Variants in CALN1 observed in about 807,000 individuals in gnomAD.
CALN1 encodes the protein calcium-binding protein 8.
In CALN1, 17 loss-of-function variants were observed where a neutral mutation model predicts 30.6. The observed-to-expected ratio is 0.56, with a 90% CI of 0.38 to 0.83. The LOEUF is 0.83. CALN1 is among the 40% of genes least tolerant of loss of function. The pLI is 0.00. For missense variants in CALN1, 291 were observed against 354.9 expected, an observed-to-expected ratio of 0.82 and a Z score of 1.45; for synonymous variants, 156 against 131.4, an observed-to-expected ratio of 1.19 and a Z score of -1.28.
In CALN1 at chr7:71,787,707, G is replaced by A; in HGVS notation, c.*68C>T. 17 of 1,590,076 alleles carry A rather than the reference G, an allele frequency of 1.1e-5. No homozygotes were observed. The highest frequency in any genetic ancestry group is 1.5e-5 in the Non-Finnish European group (17 of 1,168,456). Reference sequence around the variant, plus strand: ...ATAGGTCCGTGTCTGCTGTGTGGAGGAAGAGTCTGCCCGCACGGCATGCAC... The same window carrying A: ...ATAGGTCCGTGTCTGCTGTGTGGAGAAAGAGTCTGCCCGCACGGCATGCAC... On this transcript the variant is annotated 3_prime_UTR_variant, in exon 7 of 7. Coordinates refer to ENST00000395275, the MANE Select transcript of CALN1 (RefSeq NM_031468.4).
intron 5 of CALN1, among the ~76,000 whole-genome samples, chr7:71,888,905 A>G (rs1793075357): frequency 6.6e-6 from 1 of 152,216 alleles, no homozygotes; most frequent in East Asian, 1.9e-4. Context: ...AGAATGAACA[A>G]TGTTCACCTT....
chr7:71,814,047 G>A (rs1788120961), intron 5 of CALN1, among the ~76,000 whole-genome samples: 1 of 151,846 alleles, frequency 6.6e-6, no homozygotes, highest in Non-Finnish European at 1.5e-5. Flanking sequence ...CATAGAGTAA[G>A]TACAAGAATA....
intron 3 of CALN1, among the ~76,000 whole-genome samples, chr7:72,258,483 C>T (rs1185990042): frequency 2.0e-5 from 3 of 152,182 alleles, no homozygotes; most frequent in African/African-American, 4.8e-5. Flanking sequence ...CCCAAGGGCA[C>T]TGTCAATCAA....
Position 71,786,617 on chromosome 7 carries a change from TG to T in CALN1, c.*1157del, listed in dbSNP as rs1792990936. The T allele has an allele frequency of 6.6e-6, 1 of 152,250 alleles. No individual in the cohort carries two copies. The highest frequency in any genetic ancestry group is 6.5e-5 in the Admixed American group (1 of 15,286). 9.4% of individuals were successfully genotyped at this position (152,250 alleles called of 1,614,324 possible). A position where few individuals can be genotyped will look rare whatever the true frequency, so the allele number is the denominator to read the frequency against. On this transcript the variant is annotated 3_prime_UTR_variant, in exon 7 of 7. Coordinates refer to ENST00000395275, the MANE Select transcript of CALN1 (RefSeq NM_031468.4). ...AGAATCTGAAGGCCAGAAGATCTTA[TG>T]TGAAAATACAGTCGTTTGATCTCTC...
At chr7:72,056,491 A>G (rs946174410) in intron 4 of CALN1, among the ~76,000 whole-genome samples, 4 of 152,188 alleles carry the variant, frequency 2.6e-5, no homozygotes, top group Non-Finnish European at 5.9e-5. Flanking sequence ...ACTTGAAAGG[A>G]AAAATCGATT....
chr7:72,238,402 A>G (rs949460164), intron 3 of CALN1, among the ~76,000 whole-genome samples: 13 of 152,278 alleles, frequency 8.5e-5, no homozygotes, highest in African/African-American at 3.1e-4. Flanking sequence ...TATTGAATGA[A>G]TTATTTAATG....
chr7:71,797,756 TAATAACAA>T (rs531722519), intron 6 of CALN1, among the ~76,000 whole-genome samples: 22 of 152,304 alleles, frequency 1.4e-4, no homozygotes, highest in South Asian at 1.0e-3. Context: ...CCCCTTGTTC[TAATAACAA>T]AATTCATCTT....
chr7:72,094,273 ATTT>A (rs34777600), intron 4 of CALN1, among the ~76,000 whole-genome samples: 1 of 150,940 alleles, frequency 6.6e-6, no homozygotes, highest in Non-Finnish European at 1.5e-5. Flanking sequence ...ACATACCAGA[ATTT>A]TTTTTTTAAC....
chr7:71,925,417 T>C (rs1427357284), intron 5 of CALN1, among the ~76,000 whole-genome samples: 1 of 152,106 alleles, frequency 6.6e-6, no homozygotes, highest in East Asian at 1.9e-4. Flanking sequence ...TTTAAGAATG[T>C]CCTTCACTAT....
chr7:72,050,512 G>A (rs912343219), intron 4 of CALN1, among the ~76,000 whole-genome samples: 2 of 151,966 alleles, frequency 1.3e-5, no homozygotes, highest in African/African-American at 2.4e-5. Context: ...AAGAAACTAG[G>A]ATTTAATATT....
chr7:72,156,971 G>A (rs1787731272), intron 3 of CALN1, among the ~76,000 whole-genome samples: 1 of 152,228 alleles, frequency 6.6e-6, no homozygotes, highest in Non-Finnish European at 1.5e-5. Flanking sequence ...CATAACCTCT[G>A]CCTACAGAGA....
chr7:72,345,154 A>C (rs1183165679), intron 2 of CALN1, among the ~76,000 whole-genome samples: 1 of 150,366 alleles, frequency 6.7e-6, no homozygotes, highest in Non-Finnish European at 1.5e-5. Context: ...ATACAATGCC[A>C]AAAGAAAAGA....
chr7:72,397,570 G>C (rs1806043980), intron 2 of CALN1, among the ~76,000 whole-genome samples: 3 of 152,150 alleles, frequency 2.0e-5, no homozygotes, highest in Admixed American at 6.5e-5. Flanking sequence ...ATGAGGAAGA[G>C]GGAGTCAGGA....
chr7:71,952,654 G>A (rs1319027171), intron 5 of CALN1, among the ~76,000 whole-genome samples: 1 of 94,170 alleles, frequency 1.1e-5, no homozygotes, highest in Admixed American at 1.1e-4. Context: ...TAGATCGCTA[G>A]CGATCTCAAC....
intron 3 of CALN1, among the ~76,000 whole-genome samples, chr7:72,128,427 A>G (rs897229316): frequency 3.3e-5 from 5 of 152,356 alleles, no homozygotes; most frequent in African/African-American, 1.2e-4. Flanking sequence ...ATACCAAAAT[A>G]CATCCCAAAA....
intron 2 of CALN1, among the ~76,000 whole-genome samples, chr7:72,375,251 T>C (rs947103109): frequency 6.6e-6 from 1 of 152,122 alleles, no homozygotes; most frequent in African/African-American, 2.4e-5. Flanking sequence ...TCTATTCTCA[T>C]CTGGAGGCTT....
chr7:72,501,646 C>T, the CALN1 span, among the ~76,000 whole-genome samples: 2 of 150,912 alleles, frequency 1.3e-5, no homozygotes, highest in Non-Finnish European at 1.5e-5. Context: ...CGCAGTGGCT[C>T]ACTACTGTAA....
intron 3 of CALN1, among the ~76,000 whole-genome samples, chr7:72,238,048 C>T (rs1794589214): frequency 6.6e-6 from 1 of 152,172 alleles, no homozygotes; most frequent in Non-Finnish European, 1.5e-5. Context: ...ACCCACAAAA[C>T]AAGGAAGCCC....
chr7:72,220,377 T>A (rs1016781570), intron 3 of CALN1, among the ~76,000 whole-genome samples: 26 of 152,114 alleles, frequency 1.7e-4, no homozygotes, highest in African/African-American at 5.3e-4. Flanking sequence ...GAACTCATCA[T>A]TTTTTTATGG....
Sources: allele counts gnomAD v4.1 joint callset (sites outside exome capture counted in the v4.1 genomes callset), GRCh38; gene constraint gnomAD v4.1.1; transcripts MANE v1.5; gene names NCBI Gene and HGNC (gene_info 2026-07-23, HGNC 2026-07-21).